CACNA1I: variants seen among roughly 807,000 people sequenced by gnomAD.
The protein encoded by CACNA1I is voltage-dependent T-type calcium channel subunit alpha-1I.
Under a neutral mutation model 201.6 loss-of-function variants are expected in CACNA1I, and 74 were observed. The observed-to-expected ratio is 0.37, with a 90% CI of 0.30 to 0.45. CACNA1I has a LOEUF of 0.45. CACNA1I is among the 20% of genes least tolerant of loss of function. The pLI is 1.00. For missense variants in CACNA1I, 2,346 were observed against 3,138.1 expected (o/e 0.75, Z 6.03); for synonymous variants, 1,431 against 1,345.2 (o/e 1.06, Z -1.40).
chr22:39,654,207 G>C (rs1029078695), intron 10 of CACNA1I, among the ~76,000 whole-genome samples: 1 of 152,190 alleles, frequency 6.6e-6, no homozygotes, highest in East Asian at 1.9e-4. Context: ...CCGGGCTCCC[G>C]GAGATTGAGG....
chr22:39,661,363 G>C, intron 16 of CACNA1I, 53 bp downstream of exon 16: 1 of 1,364,212 alleles, frequency 7.3e-7, no homozygotes, highest in Non-Finnish European at 9.8e-7. Flanking sequence ...GGTGTGTGTG[G>C]AGGGGCCCTG....
chr22:39,649,939 A>G lies in CACNA1I; in HGVS notation c.1992+14A>G. The G allele has an allele frequency of 6.2e-7, 1 of 1,612,620 alleles. No homozygotes were observed. Among genetic ancestry groups the G allele is most frequent in the South Asian group, 1.1e-5 (1 of 91,034 alleles). On this transcript the variant is annotated intron_variant, in intron 10 of 36. Coordinates refer to ENST00000402142, the MANE Select transcript of CACNA1I (RefSeq NM_021096.4). The surrounding 1 kb of genome is among the most constrained non-coding windows in gnomAD (Gnocchi z 7.3). ...CACCACGAGCAGGCCAGTGCAGCGC[A>G]GCCGGGCCGGGCCTGCGGGAGAGGT...
intron 1 of CACNA1I, among the ~76,000 whole-genome samples, chr22:39,586,229 C>T (rs1932749708): frequency 6.6e-6 from 1 of 151,886 alleles, no homozygotes; most frequent in African/African-American, 2.4e-5. Context: ...GTGGCTTATG[C>T]TTGTAATTCC....
chr22:39,675,414 C>G (rs1356683487), intron 29 of CACNA1I, among the ~76,000 whole-genome samples: 1 of 152,186 alleles, frequency 6.6e-6, no homozygotes, highest in East Asian at 1.9e-4. Context: ...GCGGTTCTAT[C>G]ATGACTCCCA....
At chr22:39,678,544 G>A (rs968498332) in intron 31 of CACNA1I, among the ~76,000 whole-genome samples, 13 of 152,266 alleles carry the variant, frequency 8.5e-5, no homozygotes, top group African/African-American at 2.2e-4. Flanking sequence ...CCTCGGTTCC[G>A]GGGCCCTAGG....
rs1219794937 is a variant in CACNA1I at position 39,658,265 on chromosome 22, C to T, written c.2106C>T (p.Asn702=). Residue 702 remains asparagine (N), a synonymous_variant, in exon 11 of 37, where the codon AAC becomes AAT. Transcript: ENST00000402142. Reference sequence around the variant, plus strand: ...TTGGGCTCTTCGACTACCTGCGTAACCCCTACAACATCTTCGACAGCATCA... The same window carrying T: ...TTGGGCTCTTCGACTACCTGCGTAATCCCTACAACATCTTCGACAGCATCA... ...AAFGLFDYLR[N]PYNIFDSIIV... The T allele has an allele frequency of 6.2e-6, 10 of 1,613,832 alleles. No individual in the cohort carries two copies. Among genetic ancestry groups the T allele is most frequent in the Non-Finnish European group, 7.6e-6 (9 of 1,179,870 alleles).
chr22:39,577,328 G>A (rs967393013), intron 1 of CACNA1I, among the ~76,000 whole-genome samples: 2 of 152,214 alleles, frequency 1.3e-5, no homozygotes, highest in African/African-American at 2.4e-5. Context: ...GAGCCACTGC[G>A]TCCAGCCAAT....
At chr22:39,658,880 T>G in intron 11 of CACNA1I, 51 bp from the exon 12 acceptor site, 1 of 1,491,632 alleles carries the variant, frequency 6.7e-7, no homozygotes, top group East Asian at 2.5e-5. Flanking sequence ...CCCCCTGGCC[T>G]CCTACTGCTG....
Position 39,665,674 on chromosome 22 carries a change from A to G in CACNA1I, c.3978+50A>G. 1 of 1,598,382 alleles carries G rather than the reference A, an allele frequency of 6.3e-7. No individual in the cohort carries two copies. The stretch of plus-strand genomic sequence containing the variant: ...GGACTGGGCTCTGTGACTGGGGAAA[A>G]GGAAGTCTCAGACAGCCAGGGGAGA... On this transcript the variant is annotated intron_variant, in intron 22 of 36. Transcript: ENST00000402142. This position sits in a 1 kb window ranked among gnomAD's most constrained non-coding sequence, Gnocchi z 5.5.
chr22:39,681,634 G>C (rs1010933560), intron 34 of CACNA1I, among the ~76,000 whole-genome samples: 3 of 152,114 alleles, frequency 2.0e-5, no homozygotes, highest in African/African-American at 7.2e-5. Context: ...TGCAGGCCAG[G>C]AGGGGGCTCT....
At chr22:39,652,540 A>T (rs1432272018) in intron 10 of CACNA1I, among the ~76,000 whole-genome samples, 3 of 152,108 alleles carry the variant, frequency 2.0e-5, no homozygotes, top group African/African-American at 7.2e-5. Flanking sequence ...AGGTATTATT[A>T]CCTCGCCCCT....
intron 4 of CACNA1I, among the ~76,000 whole-genome samples, chr22:39,631,766 G>C (rs1317124337): frequency 6.6e-6 from 1 of 152,138 alleles, no homozygotes; most frequent in Non-Finnish European, 1.5e-5. Flanking sequence ...AGGCACTGAG[G>C]GCAGAGTGTA....
At chr22:39,660,581 T>C (rs1934976224) in intron 15 of CACNA1I, 144 bp downstream of exon 15, 1 of 584,698 alleles carries the variant, frequency 1.7e-6, no homozygotes, top group Non-Finnish European at 3.0e-6. Flanking sequence ...ACGTTCATAA[T>C]TGGAAAAAAT....
At chr22:39,671,297 C>T (rs1440140869) in intron 26 of CACNA1I, among the ~76,000 whole-genome samples, 1 of 152,194 alleles carries the variant, frequency 6.6e-6, no homozygotes, top group Non-Finnish European at 1.5e-5. Flanking sequence ...TCGCAGCAAT[C>T]CTAAGGCTGG....
At chr22:39,669,141 A>G (rs1333192201) in intron 24 of CACNA1I, among the ~76,000 whole-genome samples, 1 of 152,092 alleles carries the variant, frequency 6.6e-6, no homozygotes, top group Non-Finnish European at 1.5e-5. Context: ...GGGAGAAGAA[A>G]CAGAAAGATT....
At chr22:39,640,223 TA>T (rs1934318231) in intron 5 of CACNA1I, among the ~76,000 whole-genome samples, 1 of 152,056 alleles carries the variant, frequency 6.6e-6, no homozygotes, top group South Asian at 2.1e-4. Context: ...ACCCCATCTC[TA>T]CTAAAAAAAC....
rs370609693 is a variant in CACNA1I, at chr22:39,679,743, G to A, written c.5416G>A (p.Val1806Ile). ...CTAGGAGAACCTGTGGCTGGACAGC[G>A]TCTCTTTAATCATCAAGGACTCCTT... Reference protein sequence around the residue: ...PAQENLWLDSVSLIIKDSLEG... With the variant: ...PAQENLWLDSISLIIKDSLEG... The change falls in exon 33 of 37, where the codon GTC becomes ATC. Residue 1806 changes from valine (V) to isoleucine (I), a missense_variant. Physicochemically the swap from Val to Ile is conservative, Grantham distance 29. Around this residue, in one of 13 missense-constraint regions of CACNA1I, gnomAD observed 441 missense variants for 555.6 expected, o/e 0.79. Transcript: ENST00000402142. 32 of 1,612,262 alleles carry A rather than the reference G, an allele frequency of 2.0e-5. No individual in the cohort carries two copies. The highest frequency in any genetic ancestry group is 8.8e-5 in the South Asian group (8 of 90,820).
intron 3 of CACNA1I, among the ~76,000 whole-genome samples, chr22:39,602,231 C>T (rs751959280): frequency 6.0e-5 from 9 of 150,310 alleles, no homozygotes; most frequent in Non-Finnish European, 1.3e-4. Context: ...GCTACCAACC[C>T]TGGCTAATTT....
rs6001634 is a variant in CACNA1I at position 39,603,279 on chromosome 22, C to A, written c.482+2626C>A. 4.9e-3 allele frequency among the ~76,000 whole-genome samples: 751 copies of A among 152,194 alleles called. 7 individuals are homozygous for A. The highest frequency in any genetic ancestry group is 0.017 in the African/African-American group (718 of 41,534). On this transcript the variant is annotated intron_variant, in intron 3 of 36. Transcript: ENST00000402142. ...TTCATGTTATATAGATGTTTCTGTC[C>A]TCTATCTTTTGTCCATGCCTTTCCC...
Sources: gnomAD v4.1 joint callset for allele counts (sites outside exome capture counted in the v4.1 genomes callset) on GRCh38, gnomAD v4.1.1 for gene constraint, gnomAD v4.1.1 regional missense constraint, Gnocchi (gnomAD v3.1) non-coding constraint, MANE v1.5 for transcripts, NCBI Gene and HGNC (gene_info 2026-07-23, HGNC 2026-07-21) for gene names.